Variants in NELL2 observed in about 807,000 individuals in gnomAD.
NELL2 encodes neural EGFL like 2.
A neutral mutation model predicts 109.6 loss-of-function variants in NELL2; 41 were observed. The observed-to-expected ratio is 0.37, with a 90% CI of 0.29 to 0.49. The LOEUF is 0.49. Ranked by LOEUF, NELL2 falls within the 20% of genes least tolerant of loss-of-function variation. The pLI is 0.98. For missense variants in NELL2, 900 were observed against 1,008.3 expected, an observed-to-expected ratio of 0.89 and a Z score of 1.45; for synonymous variants, 355 against 344.7, an observed-to-expected ratio of 1.03 and a Z score of -0.33.
chr12:44,865,423 A>C (rs1426069395), intron 2 of NELL2, among the ~76,000 whole-genome samples: 12 of 117,150 alleles, frequency 1.0e-4, no homozygotes, highest in East Asian at 5.4e-4. Context: ...CAAATGTCCA[A>C]CAATGATAGA....
At chr12:44,906,543 G>A (rs865943541) in intron 1 of NELL2, among the ~76,000 whole-genome samples, 3 of 152,014 alleles carry the variant, frequency 2.0e-5, no homozygotes, top group African/African-American at 7.2e-5. Flanking sequence ...GAGAAGTGGT[G>A]AGATTCTGGA....
intron 15 of NELL2, among the ~76,000 whole-genome samples, chr12:44,535,432 G>T (rs892938828): frequency 6.6e-6 from 1 of 151,912 alleles, no homozygotes; most frequent in Non-Finnish European, 1.5e-5. Flanking sequence ...TGCATTTTAT[G>T]CACCAAGAAC....
chr12:44,820,649 T>C lies in NELL2; in HGVS notation c.185-4513A>G, dbSNP rs73279110. 6.3e-3 allele frequency among the ~76,000 whole-genome samples: 942 copies of C among 150,306 alleles called. 6 individuals are homozygous for C. The highest frequency in any genetic ancestry group is 0.021 in the African/African-American group (858 of 40,914). On this transcript the variant is annotated intron_variant, in intron 2 of 19. Coordinates refer to ENST00000429094, the MANE Select transcript of NELL2 (RefSeq NM_001145108.2). ...AAAAAGAAAGTAGAACCTAAAGAAC[T>C]TGGTCACTAATAAATCACAAGCAAA...
In NELL2 at chr12:44,863,546, T is replaced by C. The variant is rs918309197; in HGVS notation, c.184+11679A>G. 2.6e-5 allele frequency among the ~76,000 whole-genome samples: 4 copies of C among 151,870 alleles called. No homozygotes were observed. In the South Asian group the frequency reaches 8.3e-4, roughly 32 times the overall value. On this transcript the variant is annotated intron_variant, in intron 2 of 19. Coordinates refer to ENST00000429094, the MANE Select transcript of NELL2 (RefSeq NM_001145108.2). ...AAAAAAAAACTGCTAACAAGGAATA[T>C]TGAACCCAGCAAACATTCCCTTCAA...
chr12:44,833,143 T>C (rs971612071), intron 2 of NELL2, among the ~76,000 whole-genome samples: 9 of 152,244 alleles, frequency 5.9e-5, no homozygotes, highest in Non-Finnish European at 8.8e-5. Flanking sequence ...ATAAATGTTT[T>C]GCTTTTTGTT....
In NELL2 at chr12:44,774,751, G is replaced by T; in HGVS notation, c.990C>A (p.Cys330Ter). The change falls in exon 9 of 20, where the codon TGC becomes TGA. Residue 330 changes from cysteine (C) to a stop codon, truncating the protein, a stop_gained. Transcript: ENST00000429094. LOFTEE classifies it high-confidence loss of function. ...AYVDGKCCKE[C>*]KSICQFQGRT... The stretch of plus-strand genomic sequence containing the variant: ...CATCATAAAAGTTATGCTCACATTT[G>T]CATTCCTTACAGCATTTGCCATCCA... The T allele has an allele frequency of 6.2e-7, 1 of 1,611,284 alleles. No individual in the cohort carries two copies. Among genetic ancestry groups the T allele is most frequent in the Non-Finnish European group, 8.5e-7 (1 of 1,177,410 alleles).
At chr12:44,906,684 G>A (rs1945722742) in intron 1 of NELL2, among the ~76,000 whole-genome samples, 2 of 152,026 alleles carry the variant, frequency 1.3e-5, no homozygotes, top group Non-Finnish European at 2.9e-5. Context: ...GGAATTCACT[G>A]AGATGAAAAA....
chr12:44,671,006 T>G (rs577161725), intron 12 of NELL2, among the ~76,000 whole-genome samples: 1 of 152,230 alleles, frequency 6.6e-6, no homozygotes, highest in East Asian at 1.9e-4. Context: ...CCTCTACCGA[T>G]ACATGGAAAG....
intron 12 of NELL2, among the ~76,000 whole-genome samples, chr12:44,680,639 G>C (rs1948465081): frequency 6.6e-6 from 1 of 152,062 alleles, no homozygotes; most frequent in South Asian, 2.1e-4. Flanking sequence ...ACTCATTAAA[G>C]CCAGCACCAA....
chr12:44,665,467 A>T lies in NELL2; in HGVS notation c.1444+17T>A. 6.4e-7 allele frequency: 1 copy of T among 1,572,424 alleles called. No homozygotes were observed. Among genetic ancestry groups the T allele is most frequent in the Non-Finnish European group, 8.6e-7 (1 of 1,161,590 alleles). On this transcript the variant is annotated intron_variant, in intron 13 of 19. Coordinates refer to ENST00000429094, the MANE Select transcript of NELL2 (RefSeq NM_001145108.2). ...AAGACATAAAAATATTTTATTTCAC[A>T]AATAGCCACCGTTTACCTGTACATG...
chr12:44,662,340 C>G (rs935474242), intron 13 of NELL2, among the ~76,000 whole-genome samples: 1 of 152,132 alleles, frequency 6.6e-6, no homozygotes, highest in Non-Finnish European at 1.5e-5. Context: ...TGTGTTTCTA[C>G]ATAAAATATG....
At chr12:44,532,833 G>A (rs1942142718) in intron 15 of NELL2, 112 bp from the exon 16 acceptor site, 7 of 943,616 alleles carry the variant, frequency 7.4e-6, no homozygotes, top group South Asian at 5.6e-5. Context: ...TTGAAACTGG[G>A]AAAATATAAA....
intron 16 of NELL2, among the ~76,000 whole-genome samples, chr12:44,531,827 T>C (rs947163935): frequency 6.6e-6 from 1 of 152,180 alleles, no homozygotes; most frequent in African/African-American, 2.4e-5. Flanking sequence ...GTGTTTTGTT[T>C]TTCATTCCTA....
chr12:44,777,485 T>C (rs1941800905), intron 5 of NELL2, among the ~76,000 whole-genome samples, 171 bp from the exon 6 acceptor site: 1 of 152,212 alleles, frequency 6.6e-6, no homozygotes, highest in Non-Finnish European at 1.5e-5. Context: ...AAGAAATTCA[T>C]CAGGCACAAT....
At chr12:44,537,987 A>C (rs1303438903) in intron 15 of NELL2, among the ~76,000 whole-genome samples, 2 of 152,200 alleles carry the variant, frequency 1.3e-5, no homozygotes, top group South Asian at 4.1e-4. Flanking sequence ...AGAGAAAATT[A>C]TTTTCATTAG....
intron 12 of NELL2, among the ~76,000 whole-genome samples, chr12:44,666,889 T>A (rs998431970): frequency 6.6e-6 from 1 of 152,190 alleles, no homozygotes; most frequent in Non-Finnish European, 1.5e-5. Flanking sequence ...TACCTGCTCT[T>A]TCTTACCTAT....
At chr12:44,681,475 G>C (rs1280462967) in intron 12 of NELL2, among the ~76,000 whole-genome samples, 4 of 151,484 alleles carry the variant, frequency 2.6e-5, no homozygotes, top group Non-Finnish European at 5.9e-5. Flanking sequence ...GTGCAGGTTA[G>C]TTACATATGT....
At chr12:44,862,984 T>C (rs993698465) in intron 2 of NELL2, among the ~76,000 whole-genome samples, 1 of 152,190 alleles carries the variant, frequency 6.6e-6, no homozygotes, top group Non-Finnish European at 1.5e-5. Flanking sequence ...GGGATCCATG[T>C]GCAGAACATA....
At chr12:44,919,918 A>T (rs1384238198) in intron 1 of NELL2, among the ~76,000 whole-genome samples, 1 of 152,224 alleles carries the variant, frequency 6.6e-6, no homozygotes, top group Non-Finnish European at 1.5e-5. Flanking sequence ...AAAAGATAGA[A>T]AATGAGTGTT....
Sources: allele counts gnomAD v4.1 joint callset (sites outside exome capture counted in the v4.1 genomes callset), GRCh38; gene constraint gnomAD v4.1.1; transcripts MANE v1.5; gene names NCBI Gene and HGNC (gene_info 2026-07-23, HGNC 2026-07-21).